PARG: variants seen among roughly 807,000 people sequenced by gnomAD.
PARG encodes the protein poly(ADP-ribose) glycohydrolase, also known as mitochondrial poly(ADP-ribose) glycohydrolase.
PARG carries 35 observed loss-of-function variants against 113.0 expected under a neutral mutation model. That is an observed-to-expected ratio of 0.31 (90% confidence interval 0.24 to 0.41). PARG has a LOEUF of 0.41. PARG is among the 10% of genes least tolerant of loss of function. The pLI, the probability that PARG is intolerant of heterozygous loss-of-function variation, is 1.00. For missense variants in PARG, 797 were observed against 1,169.4 expected, an observed-to-expected ratio of 0.68 and a Z score of 4.64; for synonymous variants, 330 against 409.9, an observed-to-expected ratio of 0.81 and a Z score of 2.36.
Position 49,941,933 on chromosome 10 carries a change from A to AC in PARG, c.-209dup. 2.0e-6 allele frequency: 2 copies of AC among 999,804 alleles called. No homozygotes were observed. The highest frequency in any genetic ancestry group is 3.1e-6 in the Non-Finnish European group (2 of 651,890). 61.9% of individuals were successfully genotyped at this position (999,804 alleles called of 1,614,324 possible). On this transcript the variant is annotated 5_prime_UTR_variant, in exon 1 of 18. Coordinates refer to ENST00000616448, the MANE Select transcript of PARG (RefSeq NM_003631.5). Reference sequence around the variant, plus strand: ...GCCTTCCCTCTTCCACTGGCACCCCACCTGCCTCAATGCGCCGCTTTGATT... The same window carrying AC: ...GCCTTCCCTCTTCCACTGGCACCCCACCCTGCCTCAATGCGCCGCTTTGATT...
chr10:49,828,092 C>CA (rs71026274), intron 16 of PARG, among the ~76,000 whole-genome samples: 698 of 50,410 alleles, frequency 0.014, 138 homozygotes, highest in African/African-American at 0.035. Context: ...AAAGCTTAAA[C>CA]AAAAAAAAAA....
At chr10:49,874,725 G>C (rs1293511920) in intron 9 of PARG, among the ~76,000 whole-genome samples, 5 of 150,002 alleles carry the variant, frequency 3.3e-5, no homozygotes, top group Non-Finnish European at 7.4e-5. Context: ...GTGGTGGTGG[G>C]TGCCTGTAGT....
chr10:49,887,197 G>C (rs1424905208), intron 7 of PARG, among the ~76,000 whole-genome samples: 1 of 151,892 alleles, frequency 6.6e-6, no homozygotes, highest in Non-Finnish European at 1.5e-5. Flanking sequence ...GACTATACAG[G>C]CCTTTTTGCT....
At chr10:49,924,839 T>C (rs1554850225) in intron 4 of PARG, among the ~76,000 whole-genome samples, 1 of 152,194 alleles carries the variant, frequency 6.6e-6, no homozygotes, top group Admixed American at 6.5e-5. Flanking sequence ...CCTGCTAAAC[T>C]GTGTCTTGTG....
rs1227191207 is a variant in PARG at position 49,933,898 on chromosome 10, T to A, written c.550A>T (p.Asn184Tyr). The stretch of plus-strand genomic sequence containing the variant: ...TGAGGTGACCGATCAATGTTAGCAT[T>A]ACTAAACTGCTCTGGTACCAGGGTT... ...TVTLVPEQFSNANIDRSPQND... is the reference protein window; with the variant it reads ...TVTLVPEQFSYANIDRSPQND... Residue 184 changes from asparagine (N) to tyrosine (Y), a missense_variant, in exon 3 of 18, where the codon AAT becomes TAT. Physicochemically the swap from Asn to Tyr is moderately radical, Grantham distance 143. This residue lies in a region of PARG where 284 missense variants were observed against 306.1 expected (regional missense o/e 0.93). Transcript: ENST00000616448. The A allele has an allele frequency of 6.2e-7, 1 of 1,600,828 alleles. No individual in the cohort carries two copies. The highest frequency in any genetic ancestry group is 1.3e-5 in the African/African-American group (1 of 74,648).
chr10:49,869,510 C>T lies in PARG; in HGVS notation c.2034G>A (p.Thr678=), dbSNP rs782608761. ...RSSRKPEKLK[T]LFCYFRRVTE... is the part of the protein sequence containing the mutation. Reference sequence around the variant, plus strand: ...TGACTCTTCTAAAGTAGCAGAAGAGCGTTTTAAGTTTCTCCGGTTTCCTTG... The same window carrying T: ...TGACTCTTCTAAAGTAGCAGAAGAGTGTTTTAAGTTTCTCCGGTTTCCTTG... The change falls in exon 10 of 18, where the codon ACG becomes ACA. Residue 678 remains threonine, a synonymous_variant. Coordinates refer to ENST00000616448, the MANE Select transcript of PARG (RefSeq NM_003631.5). 1.8e-5 allele frequency: 22 copies of T among 1,192,112 alleles called. No homozygotes were observed. In the Admixed American group the frequency reaches 2.1e-4, roughly 12 times the overall value. The allele number at this position is 1,192,112 out of a possible 1,614,324, so 73.8% of individuals were successfully genotyped here. A position where few individuals can be genotyped will look rare whatever the true frequency, so the allele number is the denominator to read the frequency against.
intron 7 of PARG, chr10:49,908,619 G>C (rs1836991734): frequency 6.6e-6 from 1 of 152,156 alleles, no homozygotes; most frequent in South Asian, 2.1e-4. Flanking sequence ...TTTGGTACAG[G>C]CTCTTTGTGA....
intron 7 of PARG, among the ~76,000 whole-genome samples, chr10:49,896,106 G>A (rs1299504535): frequency 5.9e-5 from 9 of 152,092 alleles, no homozygotes; most frequent in African/African-American, 2.2e-4. Flanking sequence ...TACTGCATTG[G>A]CTAGGATTTC....
intron 14 of PARG, 108 bp downstream of exon 14, chr10:49,843,446 T>G: frequency 1.4e-6 from 1 of 725,838 alleles, no homozygotes; most frequent in East Asian, 2.7e-5. Context: ...TTTTTTCTTT[T>G]TAAGTTCACT....
chr10:49,915,390 T>G (rs1199805522), intron 7 of PARG, among the ~76,000 whole-genome samples: 1 of 152,128 alleles, frequency 6.6e-6, no homozygotes, highest in Non-Finnish European at 1.5e-5. Context: ...AAAGTGATAT[T>G]CTTATCCACT....
At chr10:49,854,584 CA>C (rs1181576094) in intron 13 of PARG, among the ~76,000 whole-genome samples, 18 of 150,310 alleles carry the variant, frequency 1.2e-4, no homozygotes, top group Non-Finnish European at 2.2e-4. Flanking sequence ...AGAAAGCCCT[CA>C]GCTCTCTCCT....
At chr10:49,932,019 G>T (rs1838512274) in intron 4 of PARG, 81 bp downstream of exon 4, 3 of 797,054 alleles carry the variant, frequency 3.8e-6, no homozygotes, top group African/African-American at 1.7e-5. Context: ...TCTAAGCCTT[G>T]GTCTGTTTCT....
chr10:49,894,230 C>T (rs1554842203), intron 7 of PARG, among the ~76,000 whole-genome samples: 2 of 141,026 alleles, frequency 1.4e-5, no homozygotes, highest in Admixed American at 1.5e-4. Context: ...TTTGTAGAGA[C>T]AAGGTCTCCC....
intron 7 of PARG, among the ~76,000 whole-genome samples, chr10:49,902,500 A>T (rs1554843931): frequency 2.0e-5 from 3 of 152,208 alleles, no homozygotes; most frequent in Non-Finnish European, 1.5e-5. Flanking sequence ...TACAGAGCTC[A>T]GAAATCCAAG....
At chr10:49,841,398 TA>T (rs1354572067) in intron 15 of PARG, among the ~76,000 whole-genome samples, 3 of 152,252 alleles carry the variant, frequency 2.0e-5, no homozygotes, top group Non-Finnish European at 4.4e-5. Flanking sequence ...GTTTATTTAT[TA>T]TGGTTGCCAA....
chr10:49,821,283 C>T (rs1291779215), intron 16 of PARG, among the ~76,000 whole-genome samples: 1 of 152,118 alleles, frequency 6.6e-6, no homozygotes, highest in East Asian at 1.9e-4. Context: ...TTTAAATAAC[C>T]ACAAAATTGA....
At chr10:49,844,523 T>C (rs1845407347) in intron 13 of PARG, among the ~76,000 whole-genome samples, 1 of 150,498 alleles carries the variant, frequency 6.6e-6, no homozygotes, top group South Asian at 2.1e-4. Context: ...CTCAGGAGGC[T>C]GAGGCAGGAG....
rs1465119900 is a variant in PARG, at chr10:49,927,348, A to G, written c.1456-4679T>C. On this transcript the variant is annotated intron_variant, in intron 4 of 17. Transcript: ENST00000616448. ...AAAGAAGGAAAGAAGGAAGGAAGGA[A>G]GGAAAGAAAGAAGGAAAGAAGGAAA... 9.8e-5 allele frequency among the ~76,000 whole-genome samples: 14 copies of G among 142,764 alleles called. No homozygotes were observed. The Admixed American group carries it at 9.9e-4, about 10-fold the overall frequency. 93.7% of individuals were successfully genotyped at this position (142,764 alleles called of 152,430 possible).
intron 1 of PARG, among the ~76,000 whole-genome samples, chr10:49,936,281 C>T (rs1838732378): frequency 6.6e-6 from 1 of 152,050 alleles, no homozygotes; most frequent in Non-Finnish European, 1.5e-5. Context: ...TGACTTTAAG[C>T]TTTGAGCTTG....
Sources: allele counts gnomAD v4.1 joint callset (sites outside exome capture counted in the v4.1 genomes callset), GRCh38; gene constraint gnomAD v4.1.1; regional missense constraint gnomAD v4.1.1; transcripts MANE v1.5; gene names NCBI Gene and HGNC (gene_info 2026-07-23, HGNC 2026-07-21).